PDE9A: variants seen among roughly 807,000 people sequenced by gnomAD.
PDE9A encodes high affinity cGMP-specific 3',5'-cyclic phosphodiesterase 9A.
PDE9A carries 60 observed loss-of-function variants against 87.4 expected under a neutral mutation model. The ratio of observed to expected loss-of-function variants is 0.69; its 90% CI spans 0.56 to 0.85. PDE9A has a LOEUF of 0.85. Ranked by LOEUF, PDE9A falls within the 40% of genes least tolerant of loss-of-function variation. The pLI is 0.00. For missense variants in PDE9A, 665 were observed against 779.0 expected (o/e 0.85, Z 1.74); for synonymous variants, 272 against 279.4 (o/e 0.97, Z 0.27).
chr21:42,671,962 C>T (rs569018559), intron 1 of PDE9A, among the ~76,000 whole-genome samples: 19 of 151,750 alleles, frequency 1.3e-4, no homozygotes, highest in African/African-American at 3.9e-4. Context: ...CTGAGATGTG[C>T]CTGTTTGTCT....
chr21:42,725,226 T>G (rs1569205043), intron 4 of PDE9A, among the ~76,000 whole-genome samples: 1 of 151,958 alleles, frequency 6.6e-6, no homozygotes, highest in Admixed American at 6.6e-5. Context: ...GGTCTCTCTC[T>G]TTTTTGTTTT....
chr21:42,749,409 G>A (rs974654624), intron 8 of PDE9A, among the ~76,000 whole-genome samples: 5 of 152,066 alleles, frequency 3.3e-5, no homozygotes, highest in African/African-American at 1.2e-4. Flanking sequence ...AACCCAGATC[G>A]GCCCAGCCCC....
chr21:42,717,158 A>T (rs1211040456), intron 4 of PDE9A, among the ~76,000 whole-genome samples: 1 of 151,498 alleles, frequency 6.6e-6, no homozygotes, highest in Non-Finnish European at 1.5e-5. Context: ...GCCATTTCTG[A>T]TGTTTTTATT....
At position 42,759,835 on chromosome 21, in the gene PDE9A, TGTGA is replaced by T. The variant is rs996334173; in HGVS notation, c.898-489_898-486del. ...CATGTGTGTGTGTGGATGTGGGGTG[TGTGA>T]GTGTGTGGTGTGTGAGTGGGTGTGT... On this transcript the variant is annotated intron_variant, in intron 11 of 19. Coordinates refer to ENST00000291539, the MANE Select transcript of PDE9A (RefSeq NM_002606.3). The surrounding 1 kb of genome is among the most constrained non-coding windows in gnomAD (Gnocchi z 7.2). Among the ~76,000 whole-genome samples, 46 of 149,864 alleles carry T rather than the reference TGTGA, an allele frequency of 3.1e-4. 1 individual carries two copies. Among genetic ancestry groups the T allele is most frequent in the Middle Eastern group, 3.4e-3 (1 of 290 alleles).
intron 1 of PDE9A, among the ~76,000 whole-genome samples, chr21:42,685,974 A>G (rs1030606317): frequency 6.6e-6 from 1 of 152,104 alleles, no homozygotes; most frequent in African/African-American, 2.4e-5. Context: ...TGTATTTTTC[A>G]CAACTCTTTC....
At chr21:42,666,431 G>C (rs551028326) in intron 1 of PDE9A, among the ~76,000 whole-genome samples, 1 of 152,312 alleles carries the variant, frequency 6.6e-6, no homozygotes, top group South Asian at 2.1e-4. Flanking sequence ...CAGCAGGAGC[G>C]CAGAGCAGGT....
chr21:42,756,416 G>A (rs1177901125), intron 10 of PDE9A, among the ~76,000 whole-genome samples: 1 of 152,230 alleles, frequency 6.6e-6, no homozygotes, highest in African/African-American at 2.4e-5. Flanking sequence ...GCGCCTAAAA[G>A]TGATCACCTC....
intron 8 of PDE9A, among the ~76,000 whole-genome samples, chr21:42,747,807 G>C (rs1185437354): frequency 5.9e-5 from 9 of 152,250 alleles, no homozygotes; most frequent in African/African-American, 2.2e-4. Context: ...GCAACTGAGG[G>C]CTCAGCGTTC....
intron 6 of PDE9A, among the ~76,000 whole-genome samples, chr21:42,732,872 C>T (rs1261306647): frequency 6.6e-6 from 1 of 152,222 alleles, no homozygotes; most frequent in Non-Finnish European, 1.5e-5. Flanking sequence ...CGAGATCACG[C>T]CACTGCACTC....
At chr21:42,734,466 C>T (rs2052176539) in intron 7 of PDE9A, 2 of 152,236 alleles carry the variant, frequency 1.3e-5, no homozygotes. Flanking sequence ...TTAACAGGCA[C>T]TGTATTTACC....
At chr21:42,745,672 G>A (rs1029747373) in intron 8 of PDE9A, among the ~76,000 whole-genome samples, 5 of 152,202 alleles carry the variant, frequency 3.3e-5, no homozygotes, top group Non-Finnish European at 7.4e-5. Flanking sequence ...TGTCCCTTGC[G>A]CCCCAGGTGC....
Position 42,760,387 on chromosome 21 carries a change from C to T in PDE9A, c.957C>T (p.Cys319=), listed in dbSNP as rs775891542. Residue 319 remains cysteine (C), a synonymous_variant, in exon 12 of 20, where the codon TGC becomes TGT. Transcript: ENST00000291539. The surrounding 1 kb of genome is among the most constrained non-coding windows in gnomAD (Gnocchi z 5.2). ...NPFHNFRHCF[C]VAQMMYSMVW... is the part of the protein sequence containing the mutation. Reference sequence around the variant, plus strand: ...TCCACAACTTCCGGCACTGCTTCTGCGTGGCCCAGATGATGTACAGCATGG... The same window carrying T: ...TCCACAACTTCCGGCACTGCTTCTGTGTGGCCCAGATGATGTACAGCATGG... 4.2e-5 allele frequency: 67 copies of T among 1,609,372 alleles called. 1 individual carries two copies. The highest frequency in any genetic ancestry group is 1.6e-4 in the Middle Eastern group (1 of 6,078).
At chr21:42,751,325 G>C in intron 9 of PDE9A, 128 bp downstream of exon 9, 1 of 740,730 alleles carries the variant, frequency 1.4e-6, no homozygotes, top group Non-Finnish European at 2.4e-6. Context: ...GCCCTGGGCC[G>C]CTGACGGTGC....
intron 1 of PDE9A, among the ~76,000 whole-genome samples, chr21:42,672,132 T>C (rs544247834): frequency 6.6e-6 from 1 of 152,386 alleles, no homozygotes; most frequent in East Asian, 1.9e-4. Context: ...ATATTTATTC[T>C]GAGTATGCAA....
rs774519742 is a variant in PDE9A, at chr21:42,775,282, G to C, written c.1771G>C (p.Asp591His). 1.2e-6 allele frequency: 2 copies of C among 1,611,874 alleles called. No individual in the cohort carries two copies. The change falls in exon 20 of 20, where the codon GAC becomes CAC. Residue 591 changes from aspartate to histidine, a missense_variant and splice_region_variant. By Grantham distance (81) the Asp-to-His change is moderately conservative (BLOSUM62 -1). Coordinates refer to ENST00000291539, the MANE Select transcript of PDE9A (RefSeq NM_002606.3). ...RSRDVKNSEG[D>H]CA ...AGTCATCGTTTCCCTTCTTCCAGGA[G>C]ACTGTGCCTGAGGAAAGCGGGGGGC...
chr21:42,708,833 G>A (rs369010993), intron 4 of PDE9A, among the ~76,000 whole-genome samples: 2 of 152,176 alleles, frequency 1.3e-5, no homozygotes, highest in Non-Finnish European at 1.5e-5. Context: ...TGGGATTACA[G>A]GCATGAGCCA....
At chr21:42,684,107 G>A (rs1438172926) in intron 1 of PDE9A, among the ~76,000 whole-genome samples, 4 of 152,332 alleles carry the variant, frequency 2.6e-5, no homozygotes, top group South Asian at 2.1e-4. Flanking sequence ...GGCCCAACCC[G>A]GACCCACTGC....
intron 4 of PDE9A, among the ~76,000 whole-genome samples, chr21:42,725,672 C>T (rs1430394143): frequency 6.6e-6 from 1 of 152,210 alleles, no homozygotes; most frequent in African/African-American, 2.4e-5. Context: ...CGCCTATATC[C>T]GTGGTTCATT....
intron 4 of PDE9A, among the ~76,000 whole-genome samples, chr21:42,724,816 G>A (rs191973094): frequency 3.9e-5 from 6 of 152,226 alleles, no homozygotes; most frequent in African/African-American, 1.4e-4. Flanking sequence ...ACCACAGAAG[G>A]TGTGGACAGA....
Sources: allele counts gnomAD v4.1 joint callset (sites outside exome capture counted in the v4.1 genomes callset), GRCh38; gene constraint gnomAD v4.1.1; non-coding constraint Gnocchi (gnomAD v3.1); transcripts MANE v1.5; gene names NCBI Gene and HGNC (gene_info 2026-07-23, HGNC 2026-07-21).